SYT6: variants seen among roughly 807,000 people sequenced by gnomAD.
The protein encoded by SYT6 is synaptotagmin 6.
A neutral mutation model predicts 38.4 loss-of-function variants in SYT6; 24 were observed. The observed-to-expected ratio is 0.62, with a 90% CI of 0.45 to 0.88. The LOEUF is 0.88. SYT6 is among the 40% of genes least tolerant of loss of function. The pLI is 0.00. For synonymous variants in SYT6, 265 were observed against 241.9 expected (o/e 1.10, Z -0.89); for missense variants, 611 against 621.0 (o/e 0.98, Z 0.17).
At chr1:114,105,926 T>C (rs1202363544) in intron 3 of SYT6, among the ~76,000 whole-genome samples, 1 of 152,178 alleles carries the variant, frequency 6.6e-6, no homozygotes, top group African/African-American at 2.4e-5. Context: ...AGAGGCACCA[T>C]GCTTTGTGGA....
At chr1:114,113,144 C>G (rs1676786469) in intron 3 of SYT6, among the ~76,000 whole-genome samples, 1 of 152,172 alleles carries the variant, frequency 6.6e-6, no homozygotes, top group African/African-American at 2.4e-5. Flanking sequence ...CCTCCTGCTC[C>G]CCACACTCCA....
chr1:114,097,032 AG>A (rs1675680358), intron 6 of SYT6, among the ~76,000 whole-genome samples: 1 of 152,202 alleles, frequency 6.6e-6, no homozygotes. Flanking sequence ...TATTACTCAA[AG>A]GGATATTTTC....
chr1:114,139,117 A>G lies in SYT6; in HGVS notation c.512+498T>C, dbSNP rs146166872. Among the ~76,000 whole-genome samples, 488 of 152,292 alleles carry G rather than the reference A, an allele frequency of 3.2e-3. 2 individuals carry two copies. Among genetic ancestry groups the G allele is most frequent in the African/African-American group, 0.011 (470 of 41,554 alleles). On this transcript the variant is annotated intron_variant, in intron 2 of 7. Coordinates refer to ENST00000610222, the MANE Select transcript of SYT6 (RefSeq NM_001253772.2). ...TTTTCAGTTAAAGGATGCTGTATGT[A>G]TTTACAGTTGTTGTCATGCAGGGAA...
chr1:114,124,276 C>T (rs1169181345), intron 3 of SYT6, among the ~76,000 whole-genome samples: 2 of 152,204 alleles, frequency 1.3e-5, no homozygotes, highest in African/African-American at 4.8e-5. Flanking sequence ...AGGGTCCCCA[C>T]TGCTCCTGGA....
intron 3 of SYT6, among the ~76,000 whole-genome samples, chr1:114,123,899 C>A (rs965487804): frequency 6.6e-6 from 1 of 152,220 alleles, no homozygotes; most frequent in African/African-American, 2.4e-5. Flanking sequence ...CTGCCTGTCC[C>A]TGTGGAGTGG....
At chr1:114,105,598 C>A (rs942047990) in intron 3 of SYT6, among the ~76,000 whole-genome samples, 5 of 152,148 alleles carry the variant, frequency 3.3e-5, no homozygotes, top group African/African-American at 1.2e-4. Context: ...GCAGAGCCAG[C>A]CATCCCACAC....
chr1:114,142,139 T>C (rs1319124569), intron 1 of SYT6, among the ~76,000 whole-genome samples: 4 of 152,244 alleles, frequency 2.6e-5, no homozygotes, highest in African/African-American at 9.6e-5. Context: ...TTAGCTGTCA[T>C]AGACAGTGAT....
intron 3 of SYT6, among the ~76,000 whole-genome samples, chr1:114,123,633 G>A (rs1236215272): frequency 6.6e-6 from 1 of 152,138 alleles, no homozygotes; most frequent in East Asian, 1.9e-4. Context: ...TTTCTTTCTG[G>A]TTCTAGGTGC....
chr1:114,090,025 G>A lies in SYT6; in HGVS notation c.*2109C>T, dbSNP rs1675209982. 1 of 152,346 alleles carries A rather than the reference G, an allele frequency of 6.6e-6. No individual in the cohort carries two copies. Among genetic ancestry groups the A allele is most frequent in the Non-Finnish European group, 1.5e-5 (1 of 68,046 alleles). 9.4% of individuals were successfully genotyped at this position (152,346 alleles called of 1,614,324 possible). On this transcript the variant is annotated 3_prime_UTR_variant, in exon 8 of 8. Coordinates refer to ENST00000610222, the MANE Select transcript of SYT6 (RefSeq NM_001253772.2). ...CCTAAGGGTTTAACGATGACAGCTGGACATGAATTTTGAGTTCACTTCCAG... is the reference window on the plus strand; with the variant it reads ...CCTAAGGGTTTAACGATGACAGCTGAACATGAATTTTGAGTTCACTTCCAG...
chr1:114,099,948 G>T (rs1490664454), intron 4 of SYT6, among the ~76,000 whole-genome samples: 2 of 152,134 alleles, frequency 1.3e-5, no homozygotes, highest in Non-Finnish European at 2.9e-5. Context: ...GGACAGTGGA[G>T]AATGAGGGAG....
intron 4 of SYT6, among the ~76,000 whole-genome samples, chr1:114,099,553 C>T (rs1571819633): frequency 6.6e-6 from 1 of 152,256 alleles, no homozygotes. Context: ...ATGACACCTG[C>T]CGATAGGTAT....
In SYT6 at chr1:114,098,755, A is replaced by G. The variant is rs147493860; in HGVS notation, c.1364+339T>C. On this transcript the variant is annotated intron_variant, in intron 5 of 7. Coordinates refer to ENST00000610222, the MANE Select transcript of SYT6 (RefSeq NM_001253772.2). The stretch of plus-strand genomic sequence containing the variant: ...ATCCCAGGGTGACAGTAGTAGCAAC[A>G]GCAGAAATAGAGAGGATAGAGGGGC... 2.9e-3 allele frequency among the ~76,000 whole-genome samples: 445 copies of G among 152,332 alleles called. 1 individual carries two copies. The highest frequency in any genetic ancestry group is 3.8e-3 in the Non-Finnish European group (261 of 68,024).
At chr1:114,095,350 A>C (rs1675567951) in intron 6 of SYT6, among the ~76,000 whole-genome samples, 1 of 152,160 alleles carries the variant, frequency 6.6e-6, no homozygotes, top group Non-Finnish European at 1.5e-5. Context: ...TATTTGGCTT[A>C]ATTAGGTTAT....
At chr1:114,139,377 C>T (rs1678707999) in intron 2 of SYT6, among the ~76,000 whole-genome samples, 1 of 152,188 alleles carries the variant, frequency 6.6e-6, no homozygotes, top group Non-Finnish European at 1.5e-5. Context: ...CACACACACC[C>T]CAAGTGCAAA....
At chr1:114,122,750 A>G (rs1205818015) in intron 3 of SYT6, among the ~76,000 whole-genome samples, 2 of 152,162 alleles carry the variant, frequency 1.3e-5, no homozygotes, top group East Asian at 3.9e-4. Flanking sequence ...AGGATTCACT[A>G]AAAACGCCCT....
rs189135692 is a variant in SYT6 at position 114,093,950 on chromosome 1, G to A, written c.1516-147C>T. ...TTCATTTTAGGAGTTCTACTTTTCT[G>A]TTACAACCTTTACTGTTGGTGAAAG... On this transcript the variant is annotated intron_variant, in intron 6 of 7. Coordinates refer to ENST00000610222, the MANE Select transcript of SYT6 (RefSeq NM_001253772.2). The A allele has an allele frequency of 8.4e-4, 643 of 763,654 alleles. 2 individuals are homozygous for A. The highest frequency in any genetic ancestry group is 5.4e-3 in the Admixed American group (238 of 44,390). The allele number at this position is 763,654 out of a possible 1,614,324, so 47.3% of individuals were successfully genotyped here. A position where few individuals can be genotyped will look rare whatever the true frequency, so the allele number is the denominator to read the frequency against.
intron 6 of SYT6, among the ~76,000 whole-genome samples, chr1:114,094,132 T>C (rs542833897): frequency 6.6e-6 from 1 of 152,284 alleles, no homozygotes; most frequent in South Asian, 2.1e-4. Context: ...AGCATAACTG[T>C]TTATCTAGAA....
At chr1:114,116,362 C>T (rs1676996154) in intron 3 of SYT6, among the ~76,000 whole-genome samples, 1 of 152,188 alleles carries the variant, frequency 6.6e-6, no homozygotes, top group Non-Finnish European at 1.5e-5. Flanking sequence ...GTGGAAGAAC[C>T]CCGGGCCCTC....
At chr1:114,130,643 T>A (rs1557757310) in intron 3 of SYT6, among the ~76,000 whole-genome samples, 3 of 152,226 alleles carry the variant, frequency 2.0e-5, no homozygotes, top group Non-Finnish European at 4.4e-5. Flanking sequence ...TTCCTTTCAT[T>A]AGCTTTTTAC....
Sources: allele counts gnomAD v4.1 joint callset (sites outside exome capture counted in the v4.1 genomes callset), GRCh38; gene constraint gnomAD v4.1.1; transcripts MANE v1.5; gene names NCBI Gene and HGNC (gene_info 2026-07-23, HGNC 2026-07-21).